Variants in USP3 observed in about 807,000 individuals in gnomAD.
The protein encoded by USP3 is ubiquitin carboxyl-terminal hydrolase 3.
A neutral mutation model predicts 72.3 loss-of-function variants in USP3; 20 were observed. That is an observed-to-expected ratio of 0.28 (90% CI 0.19 to 0.40). The LOEUF (loss-of-function observed/expected upper bound fraction) is 0.40. Among genes scored for constraint, USP3 ranks in the 10% least tolerant of loss-of-function variants. The probability of loss-of-function intolerance (pLI) is 1.00; values close to 1 mark genes in which losing one functional copy is unlikely to be tolerated. For missense variants in USP3, 479 were observed against 633.9 expected, an observed-to-expected ratio of 0.76 and a Z score of 2.62; for synonymous variants, 222 against 225.3, an observed-to-expected ratio of 0.99 and a Z score of 0.13.
At chr15:63,523,374 A>G (rs1234380869) in intron 1 of USP3, among the ~76,000 whole-genome samples, 1 of 152,220 alleles carries the variant, frequency 6.6e-6, no homozygotes, top group Non-Finnish European at 1.5e-5. Flanking sequence ...GTCATAGAAT[A>G]AAATAGTAGA....
intron 1 of USP3, among the ~76,000 whole-genome samples, chr15:63,515,813 C>G (rs2065842970): frequency 6.6e-6 from 1 of 152,158 alleles, no homozygotes; most frequent in South Asian, 2.1e-4. Context: ...GTAATAGTAT[C>G]AAAGGGCTTA....
In USP3 at chr15:63,574,057, C is replaced by G. The variant is rs754461452; in HGVS notation, c.920C>G (p.Ser307Cys). 47 of 1,586,272 alleles carry G rather than the reference C, an allele frequency of 3.0e-5. No individual in the cohort carries two copies. The highest frequency in any genetic ancestry group is 4.0e-5 in the Non-Finnish European group (47 of 1,165,082). Residue 307 changes from serine (S) to cysteine (C), a missense_variant, in exon 10 of 15, where the codon TCT becomes TGT. Ser to Cys is a moderately radical substitution (Grantham distance 112, BLOSUM62 -1). Transcript: ENST00000380324. This position sits in a 1 kb window ranked among gnomAD's most constrained non-coding sequence, Gnocchi z 4.6. ...GTGATTTTGTTTAGAAATGGAGCATCTACTGTTGTCACGGCTATATTCGGA... is the reference window on the plus strand; with the variant it reads ...GTGATTTTGTTTAGAAATGGAGCATGTACTGTTGTCACGGCTATATTCGGA... Reference protein sequence around the residue: ...ASNKCCINGASTVVTAIFGGI... With the variant: ...ASNKCCINGACTVVTAIFGGI...
Position 63,570,434 on chromosome 15 carries a change from G to T in USP3, c.763G>T (p.Gly255Cys). 1 of 1,614,066 alleles carries T rather than the reference G, an allele frequency of 6.2e-7. No homozygotes were observed. Among genetic ancestry groups the T allele is most frequent in the Non-Finnish European group, 8.5e-7 (1 of 1,180,032 alleles). Residue 255 changes from glycine to cysteine, a missense_variant and splice_region_variant, in exon 9 of 15, where the codon GGC becomes TGC. Coordinates refer to ENST00000380324, the MANE Select transcript of USP3 (RefSeq NM_006537.4). The surrounding 1 kb of genome is among the most constrained non-coding windows in gnomAD (Gnocchi z 4.4). ...VVWKIMPNFRGYQQQDAHEFM... is the reference protein window; with the variant it reads ...VVWKIMPNFRCYQQQDAHEFM... ...TAAGTGACTGTTTGTTTGCTTTAGG[G>T]GCTATCAACAGCAGGACGCCCATGA...
At chr15:63,506,307 A>T (rs557150699) in intron 1 of USP3, among the ~76,000 whole-genome samples, 7 of 152,272 alleles carry the variant, frequency 4.6e-5, no homozygotes, top group Non-Finnish European at 8.8e-5. Flanking sequence ...CATTAGCTAT[A>T]ACTGTAGCCA....
At chr15:63,506,980 T>G (rs1210938657) in intron 1 of USP3, among the ~76,000 whole-genome samples, 2 of 152,234 alleles carry the variant, frequency 1.3e-5, no homozygotes, top group Non-Finnish European at 2.9e-5. Context: ...CTTGATCTTG[T>G]TCTTGCGTGC....
chr15:63,526,543 A>G (rs1233105197), intron 1 of USP3, among the ~76,000 whole-genome samples: 1 of 152,226 alleles, frequency 6.6e-6, no homozygotes, highest in Non-Finnish European at 1.5e-5. Context: ...ATGGGTTGCT[A>G]ATATTTTTAG....
chr15:63,512,398 CCTT>C (rs1046782395), intron 1 of USP3, among the ~76,000 whole-genome samples: 113 of 146,996 alleles, frequency 7.7e-4, no homozygotes, highest in East Asian at 2.6e-3. Context: ...CTTCTTTCTT[CCTT>C]CTTCTTCTTT....
chr15:63,545,018 GA>G (rs1365012558), intron 3 of USP3, among the ~76,000 whole-genome samples: 1 of 152,024 alleles, frequency 6.6e-6, no homozygotes, highest in Admixed American at 6.5e-5. Context: ...AGAGTGTATA[GA>G]AAGAAAAGTA....
At position 63,592,318 on chromosome 15, in the gene USP3, G is replaced by T. The variant is rs1056786418; in HGVS notation, c.*1492G>T. On this transcript the variant is annotated 3_prime_UTR_variant, in exon 15 of 15. Coordinates refer to ENST00000380324, the MANE Select transcript of USP3 (RefSeq NM_006537.4). Reference sequence around the variant, plus strand: ...GTTGTGGTTTCTACAAGTGTTCTAAGACAGTCCTGTGGTGGTTTTTTTTTT... The same window carrying T: ...GTTGTGGTTTCTACAAGTGTTCTAATACAGTCCTGTGGTGGTTTTTTTTTT... 7 of 147,790 alleles carry T rather than the reference G, an allele frequency of 4.7e-5. No individual in the cohort carries two copies. The East Asian group carries it at 1.4e-3, about 29-fold the overall frequency. The allele number at this position is 147,790 out of a possible 1,614,324, so 9.2% of individuals were successfully genotyped here. A position where few individuals can be genotyped will look rare whatever the true frequency, so the allele number is the denominator to read the frequency against.
chr15:63,570,374 G>A lies in USP3; in HGVS notation c.762-59G>A. The A allele has an allele frequency of 1.2e-6, 2 of 1,609,224 alleles. No homozygotes were observed. The highest frequency in any genetic ancestry group is 1.3e-5 in the African/African-American group (1 of 74,884). ...TTCCACGCCTTGGCCTCTTGCTGGT[G>A]TGGCTGGGCACAAAGAGCCCTCCAC... On this transcript the variant is annotated intron_variant, in intron 8 of 14. Transcript: ENST00000380324. This position sits in a 1 kb window ranked among gnomAD's most constrained non-coding sequence, Gnocchi z 4.4.
At chr15:63,516,461 A>G (rs563946730) in intron 1 of USP3, among the ~76,000 whole-genome samples, 2 of 152,232 alleles carry the variant, frequency 1.3e-5, no homozygotes, top group Admixed American at 6.5e-5. Flanking sequence ...CCTTTCTCAC[A>G]GGAGGTAATT....
chr15:63,512,811 A>G (rs1463931959), intron 1 of USP3, among the ~76,000 whole-genome samples: 1 of 152,234 alleles, frequency 6.6e-6, no homozygotes, highest in African/African-American at 2.4e-5. Context: ...TATACAATGC[A>G]GATGAATTTA....
rs2067230684 is a variant in USP3 at position 63,592,883 on chromosome 15, C to CA, written c.*2058dup. 6.6e-6 allele frequency: 1 copy of CA among 152,078 alleles called. No homozygotes were observed. The highest frequency in any genetic ancestry group is 2.1e-4 in the South Asian group (1 of 4,822). The allele number at this position is 152,078 out of a possible 1,614,324, so 9.4% of individuals were successfully genotyped here. A position where few individuals can be genotyped will look rare whatever the true frequency, so the allele number is the denominator to read the frequency against. On this transcript the variant is annotated 3_prime_UTR_variant, in exon 15 of 15. Coordinates refer to ENST00000380324, the MANE Select transcript of USP3 (RefSeq NM_006537.4). The stretch of plus-strand genomic sequence containing the variant: ...TTTAATATTAACTGGATAAATCCCA[C>CA]ATCTTCCCAGAACACATCTGCTAAA...
intron 1 of USP3, among the ~76,000 whole-genome samples, chr15:63,517,736 G>A (rs867052746): frequency 3.7e-4 from 56 of 152,148 alleles, no homozygotes; most frequent in African/African-American, 1.4e-3. Flanking sequence ...TGTCCTTAGA[G>A]TCCCTAGTCT....
intron 11 of USP3, among the ~76,000 whole-genome samples, chr15:63,582,464 A>T (rs2066980885): frequency 6.6e-6 from 1 of 152,200 alleles, no homozygotes; most frequent in African/African-American, 2.4e-5. Flanking sequence ...TTCTCAAGGC[A>T]GTTAGGGCCA....
At chr15:63,511,141 T>A (rs1393752609) in intron 1 of USP3, among the ~76,000 whole-genome samples, 3 of 151,704 alleles carry the variant, frequency 2.0e-5, no homozygotes, top group Admixed American at 6.6e-5. Context: ...CCTTGTAGTT[T>A]TTCCTATTTT....
chr15:63,592,826 A>C lies in USP3; in HGVS notation c.*2000A>C, dbSNP rs1202060122. The stretch of plus-strand genomic sequence containing the variant: ...GCTTTCCCTCAGGTTGGATATCTGA[A>C]GTTGTGGGAGCAGATGTAGCTCCAT... On this transcript the variant is annotated 3_prime_UTR_variant, in exon 15 of 15. Coordinates refer to ENST00000380324, the MANE Select transcript of USP3 (RefSeq NM_006537.4). 1 of 151,978 alleles carries C rather than the reference A, an allele frequency of 6.6e-6. No individual in the cohort carries two copies. The highest frequency in any genetic ancestry group is 1.5e-5 in the Non-Finnish European group (1 of 68,004). The allele number at this position is 151,978 out of a possible 1,614,324, so 9.4% of individuals were successfully genotyped here.
intron 6 of USP3, among the ~76,000 whole-genome samples, chr15:63,559,027 T>C (rs2066560232): frequency 6.6e-6 from 1 of 152,212 alleles, no homozygotes; most frequent in Non-Finnish European, 1.5e-5. Context: ...AGAGAGCTTA[T>C]TTCAGTCATT....
intron 1 of USP3, among the ~76,000 whole-genome samples, chr15:63,517,638 CCATT>C (rs1020676379): frequency 1.3e-5 from 2 of 152,080 alleles, no homozygotes; most frequent in Admixed American, 6.5e-5. Flanking sequence ...TTTTCTGGTA[CCATT>C]GAGTTTTTCG....
Sources: allele counts gnomAD v4.1 joint callset (sites outside exome capture counted in the v4.1 genomes callset), GRCh38; gene constraint gnomAD v4.1.1; non-coding constraint Gnocchi (gnomAD v3.1); transcripts MANE v1.5; gene names NCBI Gene and HGNC (gene_info 2026-07-23, HGNC 2026-07-21).